The following TRIM5 variants were observed in gnomAD, a reference collection of about 807,000 sequenced individuals.
The protein encoded by TRIM5 is tripartite motif-containing protein 5.
TRIM5 carries 31 observed loss-of-function variants against 35.6 expected under a neutral mutation model. That is an observed-to-expected ratio of 0.87 (90% confidence interval 0.65 to 1.18). TRIM5 has a LOEUF of 1.18. Ranked by LOEUF, TRIM5 falls within the 50% of genes most tolerant of loss-of-function variation. The pLI is 0.00. For synonymous variants in TRIM5, 243 were observed against 215.6 expected (o/e 1.13, Z -1.11); for missense variants, 609 against 591.6 (o/e 1.03, Z -0.31).
At chr11:5,617,439 T>C in the TRIM5 span, among the ~76,000 whole-genome samples, 1 of 143,282 alleles carries the variant, frequency 7.0e-6, no homozygotes, top group African/African-American at 2.6e-5. Flanking sequence ...CTATATCGCT[T>C]CCTCTGTGTC....
At chr11:5,622,952 C>T in the TRIM5 span, among the ~76,000 whole-genome samples, 27 of 152,034 alleles carry the variant, frequency 1.8e-4, no homozygotes, top group Non-Finnish European at 3.1e-4. Context: ...AATATATGTC[C>T]GCAAAGGCGG....
At chr11:5,676,227 T>C (rs989295528) in intron 4 of TRIM5, among the ~76,000 whole-genome samples, 1 of 152,126 alleles carries the variant, frequency 6.6e-6, no homozygotes, top group African/African-American at 2.4e-5. Context: ...AGTAATGGGA[T>C]GGCTGGGTCA....
the TRIM5 span, among the ~76,000 whole-genome samples, chr11:5,616,321 C>CA: frequency 9.0e-5 from 13 of 144,496 alleles, 4 homozygotes; most frequent in East Asian, 2.7e-3. Context: ...AACACTGTCT[C>CA]AAAAAAAAGA....
the TRIM5 span, among the ~76,000 whole-genome samples, chr11:5,654,967 G>A: frequency 6.6e-6 from 1 of 152,056 alleles, no homozygotes; most frequent in Non-Finnish European, 1.5e-5. Context: ...GAGGCGGGTG[G>A]ATCACCTGAG....
rs1852154140 is a variant in TRIM5, at chr11:5,678,307, A to C, written c.641T>G (p.Leu214Arg). The change falls in exon 4 of 8, where the codon CTT becomes CGT. Residue 214 changes from leucine to arginine, a missense_variant. By Grantham distance (102) the Leu-to-Arg change is moderately radical. Transcript: ENST00000380034. ...CACCATCTCAGTTTCAGAGTTCGTA[A>C]GGCTTTTCAGAATGTCTTCCTCCTC... ...EKEEEDILKS[L>R]TNSETEMVQQ... The C allele has an allele frequency of 6.2e-7, 1 of 1,614,126 alleles. No homozygotes were observed.
chr11:5,667,803 T>G, intron 4 of TRIM5, 92 bp from the exon 5 acceptor site: 1 of 1,414,958 alleles, frequency 7.1e-7, no homozygotes, highest in Non-Finnish European at 9.8e-7. Context: ...CCTAATGTGC[T>G]GAGAATGGAG....
chr11:5,632,981 C>T, the TRIM5 span, among the ~76,000 whole-genome samples: 11 of 138,420 alleles, frequency 7.9e-5, no homozygotes, highest in South Asian at 2.6e-4. Flanking sequence ...CGCCTGCCAC[C>T]GCGCCTGGCT....
the TRIM5 span, among the ~76,000 whole-genome samples, chr11:5,621,148 G>GTCACCCC: frequency 3.3e-5 from 5 of 152,166 alleles, no homozygotes; most frequent in African/African-American, 1.2e-4. Flanking sequence ...CTGCATCCCA[G>GTCACCCC]TCACCCCTTT....
chr11:5,667,188 C>CT (rs919541798), intron 5 of TRIM5, among the ~76,000 whole-genome samples: 4 of 151,896 alleles, frequency 2.6e-5, no homozygotes, highest in Admixed American at 6.6e-5. Context: ...TATTCCTTTT[C>CT]TTTTTTTTAA....
the TRIM5 span, chr11:5,643,857 G>C: frequency 1.6e-5 from 17 of 1,050,020 alleles, no homozygotes. Flanking sequence ...TTTGGCTTGA[G>C]TTATGAGAGA....
At chr11:5,613,858 A>AT in the TRIM5 span, among the ~76,000 whole-genome samples, 3 of 151,890 alleles carry the variant, frequency 2.0e-5, no homozygotes, top group Admixed American at 6.6e-5. Context: ...TAAAAAGAAG[A>AT]TTTTGGAAGG....
chr11:5,632,356 G>C, the TRIM5 span: 3 of 1,614,056 alleles, frequency 1.9e-6, no homozygotes, highest in Non-Finnish European at 2.5e-6. Flanking sequence ...CTTGCTTAAC[G>C]TACAAGAGGA....
the TRIM5 span, chr11:5,604,441 A>G: frequency 3.6e-6 from 5 of 1,369,888 alleles, no homozygotes; most frequent in Non-Finnish European, 4.9e-6. Flanking sequence ...GCTTCTTTTG[A>G]GGTTAGCAGA....
chr11:5,660,267 G>C (rs564480806), downstream of TRIM5, among the ~76,000 whole-genome samples: 1 of 152,108 alleles, frequency 6.6e-6, no homozygotes, highest in African/African-American at 2.4e-5. Flanking sequence ...AAGCCACTGC[G>C]TCCGGCTCAT....
the TRIM5 span, chr11:5,642,458 A>G: frequency 8.7e-6 from 14 of 1,613,770 alleles, no homozygotes; most frequent in African/African-American, 1.6e-4. Context: ...GAAACTGAAG[A>G]CTGTATTCCA....
chr11:5,607,505 TC>T, the TRIM5 span, among the ~76,000 whole-genome samples: 1 of 152,182 alleles, frequency 6.6e-6, no homozygotes, highest in Non-Finnish European at 1.5e-5. Flanking sequence ...AAGCTTTTCT[TC>T]GGGGTCATTG....
the TRIM5 span, among the ~76,000 whole-genome samples, chr11:5,595,718 TTC>T: frequency 7.0e-6 from 1 of 142,216 alleles, no homozygotes. Flanking sequence ...CCTTCAAAAA[TTC>T]TTTTTTTTTT....
the TRIM5 span, chr11:5,604,603 A>T: frequency 4.3e-5 from 69 of 1,613,120 alleles, no homozygotes; most frequent in Non-Finnish European, 5.5e-5. Context: ...AACAGCTTTT[A>T]TCAGAGAGAA....
At chr11:5,678,556 G>A (rs1034596538) in intron 3 of TRIM5, 122 bp from the exon 4 acceptor site, 15 of 746,412 alleles carry the variant, frequency 2.0e-5, no homozygotes, top group Non-Finnish European at 3.2e-5. Flanking sequence ...AGGAGAGTAG[G>A]TCTTAGGAAA....
Sources: gnomAD v4.1 joint callset for allele counts (sites outside exome capture counted in the v4.1 genomes callset) on GRCh38, gnomAD v4.1.1 for gene constraint, MANE v1.5 for transcripts, NCBI Gene and HGNC (gene_info 2026-07-23, HGNC 2026-07-21) for gene names.